The following PCDHGA2 variants were observed in gnomAD, a reference collection of about 807,000 sequenced individuals.
PCDHGA2 encodes protocadherin gamma-A2.
Under a neutral mutation model 59.2 loss-of-function variants are expected in PCDHGA2, and 40 were observed. That is an observed-to-expected ratio of 0.68 (90% CI 0.52 to 0.88). PCDHGA2 has a LOEUF of 0.88. Among genes scored for constraint, PCDHGA2 ranks in the 40% least tolerant of loss-of-function variants. The pLI is 0.00. For synonymous variants in PCDHGA2, 560 were observed against 526.0 expected, an observed-to-expected ratio of 1.06 and a Z score of -0.89; for missense variants, 1,226 against 1,204.0, an observed-to-expected ratio of 1.02 and a Z score of -0.27.
rs566687277 is a variant in PCDHGA2, at chr5:141,341,253, C to A, written c.2282C>A (p.Ala761Glu). The change falls in exon 1 of 4, where the codon GCG (alanine) becomes GAG (glutamate). Residue 761 changes from alanine (A) to glutamate (E), a missense_variant. Physicochemically the swap from Ala to Glu is moderately radical, Grantham distance 107. Coordinates refer to ENST00000394576, the MANE Select transcript of PCDHGA2 (RefSeq NM_018915.4). ...QTYSHEVSLT[A>E]DSRKSHLIFP... Reference sequence around the variant, plus strand: ...TATTCCCACGAGGTCTCCCTCACTGCGGACTCGCGGAAGAGCCACCTGATT... The same window carrying A: ...TATTCCCACGAGGTCTCCCTCACTGAGGACTCGCGGAAGAGCCACCTGATT... The A allele has an allele frequency of 1.9e-6, 3 of 1,614,218 alleles. No individual in the cohort carries two copies. Among genetic ancestry groups the A allele is most frequent in the South Asian group, 2.2e-5 (2 of 91,088 alleles).
Position 141,418,614 on chromosome 5 carries a change from G to A in PCDHGA2, c.2425-76193G>A, listed in dbSNP as rs777074200. ...CAGGACGTGTACAGGGTTAGCCTTC[G>A]GGAAGACGTGCCTCCAGGCACCTCC... is the stretch of plus-strand genomic sequence containing the variant. On this transcript the variant is annotated intron_variant, in intron 1 of 3. Transcript: ENST00000394576. The A allele has an allele frequency of 5.0e-6, 8 of 1,613,876 alleles. No homozygotes were observed. In the East Asian group the frequency reaches 1.1e-4, roughly 22 times the overall value.
At chr5:141,355,477 G>A in intron 1 of PCDHGA2, 1 of 1,614,072 alleles carries the variant, frequency 6.2e-7, no homozygotes, top group Non-Finnish European at 8.5e-7. Context: ...GATAGACAGG[G>A]AGGAGCTCTG....
intron 1 of PCDHGA2, chr5:141,394,142 A>G (rs751602442): frequency 6.2e-7 from 1 of 1,613,996 alleles, no homozygotes; most frequent in Non-Finnish European, 8.5e-7. Flanking sequence ...TGCACGTGGC[A>G]GACATTAACG....
chr5:141,408,112 C>T, intron 1 of PCDHGA2: 1 of 1,460,448 alleles, frequency 6.8e-7, no homozygotes, highest in African/African-American at 1.4e-5. Flanking sequence ...CCCGGGACTC[C>T]TCCTGTCCTG....
chr5:141,497,312 G>A (rs940721317), intron 2 of PCDHGA2, among the ~76,000 whole-genome samples: 7 of 152,038 alleles, frequency 4.6e-5, no homozygotes, highest in African/African-American at 1.7e-4. Flanking sequence ...CCATACACTG[G>A]CTTTGAAGCA....
intron 1 of PCDHGA2, among the ~76,000 whole-genome samples, chr5:141,461,001 A>G (rs1309762345): frequency 4.0e-5 from 6 of 150,320 alleles, no homozygotes; most frequent in South Asian, 4.2e-4. Context: ...ATATATGTGT[A>G]TATATATATA....
At chr5:141,360,432 G>C in intron 1 of PCDHGA2, 1 of 1,613,994 alleles carries the variant, frequency 6.2e-7, no homozygotes, top group Non-Finnish European at 8.5e-7. Flanking sequence ...GCGGGAAGCA[G>C]CCTCTGTGTG....
At chr5:141,428,003 C>T in intron 1 of PCDHGA2, 1 of 1,601,362 alleles carries the variant, frequency 6.2e-7, no homozygotes, top group East Asian at 2.2e-5. Flanking sequence ...CCGCACTCTT[C>T]GATATAGTGC....
chr5:141,438,254 A>G (rs916664408), intron 1 of PCDHGA2, among the ~76,000 whole-genome samples: 1 of 152,170 alleles, frequency 6.6e-6, no homozygotes, highest in Non-Finnish European at 1.5e-5. Context: ...CTGTCATTGA[A>G]GAGACCATAG....
intron 1 of PCDHGA2, chr5:141,376,697 T>G (rs1773235579): frequency 1.5e-6 from 1 of 652,042 alleles, no homozygotes; most frequent in Non-Finnish European, 2.4e-6. Flanking sequence ...TTTTTTTTTT[T>G]GAGACGGAGT....
chr5:141,342,074 T>C (rs2149726940), intron 1 of PCDHGA2: 1 of 151,478 alleles, frequency 6.6e-6, no homozygotes, highest in Admixed American at 6.6e-5. Context: ...ATCTGCTCTA[T>C]AATAAAGCTG....
At chr5:141,394,840 G>A in intron 1 of PCDHGA2, 3 of 1,613,834 alleles carry the variant, frequency 1.9e-6, no homozygotes, top group Non-Finnish European at 2.5e-6. Context: ...ACCGAGTTGG[G>A]CAGTCTGAAG....
In PCDHGA2 at chr5:141,339,709, G is replaced by A; in HGVS notation, c.738G>A (p.Glu246=). The A allele has an allele frequency of 6.2e-7, 1 of 1,614,160 alleles. No individual in the cohort carries two copies. The highest frequency in any genetic ancestry group is 8.5e-7 in the Non-Finnish European group (1 of 1,180,026). ...ATGCGCCTGTTTTTACACAGCCCGA[G>A]TACCGCATAAGCATTCCGGAGAATA... ...NDNAPVFTQP[E]YRISIPENTL... is the part of the protein sequence containing the mutation. Residue 246 remains glutamate, a synonymous_variant, in exon 1 of 4, where the codon GAG becomes GAA. Transcript: ENST00000394576.
At chr5:141,418,423 T>G (rs1469880702) in intron 1 of PCDHGA2, 1 of 1,613,868 alleles carries the variant, frequency 6.2e-7, no homozygotes. Flanking sequence ...ATCCTGATGG[T>G]GGCAAATATC....
At chr5:141,502,191 A>G (rs2099813218) in intron 2 of PCDHGA2, among the ~76,000 whole-genome samples, 1 of 152,170 alleles carries the variant, frequency 6.6e-6, no homozygotes, top group Non-Finnish European at 1.5e-5. Flanking sequence ...TAATACAATA[A>G]TATAGAATCC....
chr5:141,358,067 G>A (rs78973624), intron 1 of PCDHGA2, among the ~76,000 whole-genome samples: 2,212 of 152,258 alleles, frequency 0.015, 49 homozygotes, highest in African/African-American at 0.049. Context: ...GTGTGTGCCC[G>A]TAGTCCCAGC....
chr5:141,345,405 T>A, intron 1 of PCDHGA2: 1 of 1,613,986 alleles, frequency 6.2e-7, no homozygotes, highest in Non-Finnish European at 8.5e-7. Context: ...TTTATCCTAC[T>A]CCGCCTACAT....
intron 3 of PCDHGA2, among the ~76,000 whole-genome samples, chr5:141,508,711 T>G (rs1201917424): frequency 6.6e-6 from 1 of 152,058 alleles, no homozygotes; most frequent in Admixed American, 6.5e-5. Flanking sequence ...CTCATTCTTT[T>G]CTGTGTGCAG....
chr5:141,358,725 A>G (rs903628182), intron 1 of PCDHGA2, among the ~76,000 whole-genome samples: 4 of 152,232 alleles, frequency 2.6e-5, no homozygotes, highest in Admixed American at 1.3e-4. Context: ...CAAGGAAAAT[A>G]TAAGTTTTTG....
Sources: allele counts gnomAD v4.1 joint callset (sites outside exome capture counted in the v4.1 genomes callset), GRCh38; gene constraint gnomAD v4.1.1; transcripts MANE v1.5; gene names NCBI Gene and HGNC (gene_info 2026-07-23, HGNC 2026-07-21).